The following PM20D1 variants were observed in gnomAD, a reference collection of about 807,000 sequenced individuals.
PM20D1 encodes the protein peptidase M20 domain containing 1.
Under a neutral mutation model 53.8 loss-of-function variants are expected in PM20D1, and 53 were observed. That is an observed-to-expected ratio of 0.98 (90% CI 0.79 to 1.24). The LOEUF (loss-of-function observed/expected upper bound fraction) is 1.24, where lower values mean the gene tolerates loss of function less well. Among genes scored for constraint, PM20D1 ranks in the 50% most tolerant of loss-of-function variants. The probability of loss-of-function intolerance (pLI) is 0.00; values close to 1 mark genes in which losing one functional copy is unlikely to be tolerated. For missense variants in PM20D1, 564 were observed against 616.8 expected (o/e 0.91, Z 0.91); for synonymous variants, 239 against 241.3 (o/e 0.99, Z 0.09).
chr1:205,843,885 G>T, intron 5 of PM20D1, 99 bp from the exon 6 acceptor site: 1 of 1,512,736 alleles, frequency 6.6e-7, no homozygotes. Context: ...AGTGGGCAAG[G>T]AGGTAGCTTC....
Position 205,842,747 on chromosome 1 carries a change from C to A in PM20D1, c.832G>T (p.Glu278Ter). ...GILAAAVSRL[E>*]QTPMPIIFGS... ...AATATGATAGGCATTGGTGTCTGCT[C>A]CAATCTGGAAGAGAAACAGAGTCCT... The change falls in exon 7 of 13, where the codon GAG becomes TAG. Residue 278 changes from glutamate to a stop codon, truncating the protein, a stop_gained. Coordinates refer to ENST00000367136, the MANE Select transcript of PM20D1 (RefSeq NM_152491.5). LOFTEE classifies it high-confidence loss of function. The A allele has an allele frequency of 6.2e-7, 1 of 1,613,964 alleles. No individual in the cohort carries two copies. The highest frequency in any genetic ancestry group is 1.7e-5 in the Admixed American group (1 of 60,030).
intron 10 of PM20D1, among the ~76,000 whole-genome samples, chr1:205,839,575 G>A (rs1656756415): frequency 6.6e-6 from 1 of 151,958 alleles, no homozygotes; most frequent in African/African-American, 2.4e-5. Context: ...GCTGGGTGTG[G>A]TGGCTCATGT....
At position 205,842,716 on chromosome 1, in the gene PM20D1, C is replaced by T. The variant is rs547322517; in HGVS notation, c.863G>A (p.Ser288Asn). The change falls in exon 7 of 13, where the codon AGC becomes AAC. Residue 288 changes from serine to asparagine, a missense_variant. Ser to Asn is a conservative substitution (Grantham distance 46). Transcript: ENST00000367136. ...CTGCAATACAGTCACCACTGTCCCGCTTCCAAATATGATAGGCATTGGTGT... is the reference window on the plus strand; with the variant it reads ...CTGCAATACAGTCACCACTGTCCCGTTTCCAAATATGATAGGCATTGGTGT... ...EQTPMPIIFG[S>N]GTVVTVLQQL... The T allele has an allele frequency of 2.5e-6, 4 of 1,614,136 alleles. No homozygotes were observed. The African/African-American group carries it at 5.3e-5, about 22-fold the overall frequency.
Position 205,843,543 on chromosome 1 carries a change from T to C in PM20D1, c.827+124A>G. On this transcript the variant is annotated intron_variant, in intron 6 of 12. Transcript: ENST00000367136. ...TCTGTTCTTCCTCTAGTGTCAATTTTTTATAGCATAGTTTCCCAGCCCAAC... is the reference window on the plus strand; with the variant it reads ...TCTGTTCTTCCTCTAGTGTCAATTTCTTATAGCATAGTTTCCCAGCCCAAC... 6 of 1,397,178 alleles carry C rather than the reference T, an allele frequency of 4.3e-6. No homozygotes were observed. In the South Asian group the frequency reaches 8.4e-5, roughly 19 times the overall value. 86.5% of individuals were successfully genotyped at this position (1,397,178 alleles called of 1,614,324 possible).
At chr1:205,841,704 C>T in intron 9 of PM20D1, 107 bp downstream of exon 9, 2 of 1,173,106 alleles carry the variant, frequency 1.7e-6, no homozygotes, top group Non-Finnish European at 2.5e-6. Flanking sequence ...AGGCTTGGAT[C>T]CAGCTGACAC....
intron 4 of PM20D1, 144 bp downstream of exon 4, chr1:205,844,667 C>T: frequency 1.5e-6 from 1 of 686,516 alleles, no homozygotes; most frequent in Non-Finnish European, 2.4e-6. Flanking sequence ...CTTAGATAGT[C>T]CTGGCATACA....
intron 1 of PM20D1, among the ~76,000 whole-genome samples, chr1:205,848,416 G>T (rs1440011181): frequency 1.3e-5 from 2 of 152,208 alleles, no homozygotes; most frequent in Non-Finnish European, 2.9e-5. Context: ...AATGAGGCTT[G>T]TGTGTTTTTG....
chr1:205,844,165 A>G lies in PM20D1; in HGVS notation c.629T>C (p.Val210Ala), dbSNP rs772374415. The change falls in exon 5 of 13, where the codon GTC becomes GCC. Residue 210 changes from valine to alanine, a missense_variant. Val to Ala is a moderately conservative substitution (Grantham distance 64). Transcript: ENST00000367136. The stretch of plus-strand genomic sequence containing the variant: ...CTCGTCCACAATGAAGGCTAGCTGG[A>G]CGCCCCTTGACTGTAGCAGGGCTGA... ...RISALLQSRG[V>A]QLAFIVDEGG... 1 of 1,613,960 alleles carries G rather than the reference A, an allele frequency of 6.2e-7. No homozygotes were observed. Among genetic ancestry groups the G allele is most frequent in the Non-Finnish European group, 8.5e-7 (1 of 1,179,946 alleles).
intron 1 of PM20D1, among the ~76,000 whole-genome samples, chr1:205,849,123 T>C (rs1368460602): frequency 6.6e-6 from 1 of 152,210 alleles, no homozygotes. Flanking sequence ...TCTGCTTCTA[T>C]ATGTTTATGC....
At chr1:205,833,451 G>C (rs149474403) in intron 10 of PM20D1, among the ~76,000 whole-genome samples, 1 of 152,332 alleles carries the variant, frequency 6.6e-6, no homozygotes, top group African/African-American at 2.4e-5. Flanking sequence ...TCTGCTTCCT[G>C]TTTGTAACCA....
chr1:205,850,099 C>T lies in PM20D1; in HGVS notation c.-27G>A, dbSNP rs1450515647. The T allele has an allele frequency of 6.2e-7, 1 of 1,605,088 alleles. No individual in the cohort carries two copies. Among genetic ancestry groups the T allele is most frequent in the African/African-American group, 1.3e-5 (1 of 74,916 alleles). On this transcript the variant is annotated 5_prime_UTR_variant, in exon 1 of 13. Transcript: ENST00000367136. ...CTTCTCTCGAGCTCCTGCTGTCAGGCTACCGGGGTAGTTCTGACCTAAACG... is the reference window on the plus strand; with the variant it reads ...CTTCTCTCGAGCTCCTGCTGTCAGGTTACCGGGGTAGTTCTGACCTAAACG...
Position 205,844,147 on chromosome 1 carries a change from A to G in PM20D1, c.647T>C (p.Val216Ala). 6.2e-7 allele frequency: 1 copy of G among 1,614,074 alleles called. No homozygotes were observed. The highest frequency in any genetic ancestry group is 2.2e-5 in the East Asian group (1 of 44,874). ...QSRGVQLAFI[V>A]DEGGFILDDF... ...ATCCAAGATGAAGCCCCCCTCGTCC[A>G]CAATGAAGGCTAGCTGGACGCCCCT... is the stretch of plus-strand genomic sequence containing the variant. The change falls in exon 5 of 13, where the codon GTG becomes GCG. Residue 216 changes from valine (V) to alanine (A), a missense_variant. By Grantham distance (64) the Val-to-Ala change is moderately conservative. Transcript: ENST00000367136.
chr1:205,844,936 T>C (rs1571679656), intron 3 of PM20D1, 39 bp from the exon 4 acceptor site: 1 of 1,567,048 alleles, frequency 6.4e-7, no homozygotes, highest in East Asian at 2.2e-5. Context: ...AAAAAGACGT[T>C]ATTTAGGTGG....
At position 205,833,492 on chromosome 1, in the gene PM20D1, C is replaced by T. The variant is rs372511086; in HGVS notation, c.1117-726G>A. Reference sequence around the variant, plus strand: ...ACTGGAGCCAGGAAGATGAGCTCAACACAGACAAAAAGTCAGAAGTTATGA... The same window carrying T: ...ACTGGAGCCAGGAAGATGAGCTCAATACAGACAAAAAGTCAGAAGTTATGA... On this transcript the variant is annotated intron_variant, in intron 10 of 12. Coordinates refer to ENST00000367136, the MANE Select transcript of PM20D1 (RefSeq NM_152491.5). Among the ~76,000 whole-genome samples the T allele has an allele frequency of 6.5e-4, 99 of 152,348 alleles. 2 individuals are homozygous for T. Among genetic ancestry groups the T allele is most frequent in the Admixed American group, 4.1e-3 (62 of 15,308 alleles).
chr1:205,849,789 G>T, intron 1 of PM20D1, 115 bp downstream of exon 1: 1 of 1,360,718 alleles, frequency 7.3e-7, no homozygotes, highest in Non-Finnish European at 1.0e-6. Context: ...GGTGCGTGTC[G>T]GGGCTCCAGC....
At chr1:205,835,280 A>G (rs940131078) in intron 10 of PM20D1, among the ~76,000 whole-genome samples, 1 of 152,204 alleles carries the variant, frequency 6.6e-6, no homozygotes, top group Non-Finnish European at 1.5e-5. Context: ...GTGACAACCA[A>G]CTTTGTGCCT....
rs375048716 is a variant in PM20D1 at position 205,843,787 on chromosome 1, C to T, written c.708-1G>A. The T allele has an allele frequency of 1.4e-5, 22 of 1,613,276 alleles. No individual in the cohort carries two copies. The African/African-American group carries it at 2.7e-4, about 20-fold the overall frequency. Reference sequence around the variant, plus strand: ...GGAACCCTTCTCTGAGACTGCAATCCTGTAGAAGAGGATCGGAAACCACTC... The same window carrying T: ...GGAACCCTTCTCTGAGACTGCAATCTTGTAGAAGAGGATCGGAAACCACTC... On this transcript the variant is annotated splice_acceptor_variant, in intron 5 of 12. Coordinates refer to ENST00000367136, the MANE Select transcript of PM20D1 (RefSeq NM_152491.5). LOFTEE classifies it high-confidence loss of function.
chr1:205,844,096 G>A lies in PM20D1; in HGVS notation c.698C>T (p.Pro233Leu). 1 of 1,611,944 alleles carries A rather than the reference G, an allele frequency of 6.2e-7. No individual in the cohort carries two copies. The highest frequency in any genetic ancestry group is 8.5e-7 in the Non-Finnish European group (1 of 1,179,086). ...LDDFIPNFKKPIALIAVSEKG... is the reference protein window; with the variant it reads ...LDDFIPNFKKLIALIAVSEKG... ...GGGATGCTTTACTCACAAGGCGATGGGCTTCTTGAAGTTAGGAATGAAATC... is the reference window on the plus strand; with the variant it reads ...GGGATGCTTTACTCACAAGGCGATGAGCTTCTTGAAGTTAGGAATGAAATC... The change falls in exon 5 of 13, where the codon CCC becomes CTC. Residue 233 changes from proline to leucine, a missense_variant. Physicochemically the swap from Pro to Leu is moderately conservative, Grantham distance 98 (BLOSUM62 -3). Coordinates refer to ENST00000367136, the MANE Select transcript of PM20D1 (RefSeq NM_152491.5).
intron 4 of PM20D1, 110 bp from the exon 5 acceptor site, chr1:205,844,327 C>A (rs1468946169): frequency 1.5e-6 from 2 of 1,297,622 alleles, no homozygotes; most frequent in Non-Finnish European, 2.0e-6. Flanking sequence ...ACCTTTCTAC[C>A]TAGTCTCCTT....
Sources: allele counts gnomAD v4.1 joint callset (sites outside exome capture counted in the v4.1 genomes callset), GRCh38; gene constraint gnomAD v4.1.1; transcripts MANE v1.5; gene names NCBI Gene and HGNC (gene_info 2026-07-23, HGNC 2026-07-21).